Variants in TMC1 observed in about 807,000 individuals in gnomAD.
TMC1 encodes the protein transmembrane channel like 1.
Under a neutral mutation model 105.8 loss-of-function variants are expected in TMC1, and 84 were observed. That is an observed-to-expected ratio of 0.79 (90% CI 0.67 to 0.95). The LOEUF is 0.95. Among genes scored for constraint, TMC1 ranks in the 40% least tolerant of loss-of-function variants. The pLI, the probability that TMC1 is intolerant of heterozygous loss-of-function variation, is 0.00. For missense variants in TMC1, 817 were observed against 914.1 expected (o/e 0.89, Z 1.37); for synonymous variants, 315 against 311.5 (o/e 1.01, Z -0.12).
At chr9:72,655,082 G>A (rs539958387) in intron 5 of TMC1, among the ~76,000 whole-genome samples, 165 of 152,196 alleles carry the variant, frequency 1.1e-3, no homozygotes, top group African/African-American at 3.9e-3. Flanking sequence ...AGGGCCGTTC[G>A]CCCCATGCTG....
At chr9:72,525,385 G>T (rs542618298) in intron 1 of TMC1, among the ~76,000 whole-genome samples, 9 of 152,320 alleles carry the variant, frequency 5.9e-5, no homozygotes, top group Non-Finnish European at 5.9e-5. Context: ...AAGTGAACCA[G>T]ATACTACATT....
At chr9:72,586,335 T>C (rs979742266) in intron 2 of TMC1, among the ~76,000 whole-genome samples, 3 of 152,192 alleles carry the variant, frequency 2.0e-5, no homozygotes, top group Admixed American at 1.3e-4. Context: ...TTCAGTGGCT[T>C]GAACTAGCTT....
Position 72,831,641 on chromosome 9 carries a change from A to G in TMC1, c.2260+959A>G, listed in dbSNP as rs112702462. On this transcript the variant is annotated intron_variant, in intron 23 of 23. Coordinates refer to ENST00000297784, the MANE Select transcript of TMC1 (RefSeq NM_138691.3). ...TGTGATGTTCCCCTTCCTGTGTCCA[A>G]GTGTTCTCATTGTTCAATTTCCACC... 6.8e-4 allele frequency among the ~76,000 whole-genome samples: 103 copies of G among 152,020 alleles called. 1 individual carries two copies. Among genetic ancestry groups the G allele is most frequent in the African/African-American group, 2.4e-3 (99 of 41,440 alleles).
At chr9:72,831,658 A>G (rs1352296987) in intron 23 of TMC1, among the ~76,000 whole-genome samples, 5 of 151,862 alleles carry the variant, frequency 3.3e-5, no homozygotes, top group Non-Finnish European at 5.9e-5. Context: ...TCATTGTTCA[A>G]TTTCCACCTA....
At chr9:72,765,780 C>T (rs1354604367) in intron 12 of TMC1, among the ~76,000 whole-genome samples, 1 of 152,130 alleles carries the variant, frequency 6.6e-6, no homozygotes, top group East Asian at 1.9e-4. Context: ...CTTGAATGTG[C>T]TATGTTCATG....
intron 2 of TMC1, among the ~76,000 whole-genome samples, chr9:72,601,169 TACACACACACACACACACACACACAGAC>T (rs770279700): frequency 1.3e-5 from 2 of 148,280 alleles, no homozygotes; most frequent in African/African-American, 2.5e-5. Context: ...ACACTGTTTC[TACACACACACACACACACACACACAGAC>T]ACACACACAC....
chr9:72,811,160 T>C (rs1588095451), intron 18 of TMC1, among the ~76,000 whole-genome samples: 1 of 152,282 alleles, frequency 6.6e-6, no homozygotes, highest in Middle Eastern at 3.4e-3. Context: ...GACAATGAAG[T>C]ACACTTCTGG....
At chr9:72,691,363 G>A (rs1192205485) in intron 6 of TMC1, among the ~76,000 whole-genome samples, 1 of 151,998 alleles carries the variant, frequency 6.6e-6, no homozygotes, top group Non-Finnish European at 1.5e-5. Context: ...ATGTTTTCCT[G>A]TTTCTTTATT....
At chr9:72,823,023 A>T (rs1035012254) in intron 20 of TMC1, among the ~76,000 whole-genome samples, 1 of 152,196 alleles carries the variant, frequency 6.6e-6, no homozygotes, top group Non-Finnish European at 1.5e-5. Context: ...TTTTATTTTT[A>T]AAATTATTTA....
chr9:72,662,633 G>C (rs1825985603), intron 5 of TMC1, among the ~76,000 whole-genome samples: 1 of 151,970 alleles, frequency 6.6e-6, no homozygotes, highest in Admixed American at 6.5e-5. Flanking sequence ...AAAGGATTTT[G>C]TTTTGTGTTT....
intron 5 of TMC1, among the ~76,000 whole-genome samples, chr9:72,685,457 G>T (rs957484714): frequency 6.6e-6 from 1 of 150,790 alleles, no homozygotes; most frequent in Admixed American, 6.6e-5. Flanking sequence ...TCTGCCTCCC[G>T]GGTTCAGGTG....
intron 5 of TMC1, among the ~76,000 whole-genome samples, chr9:72,665,003 C>T (rs947139): frequency 0.025 from 3,842 of 152,252 alleles, 61 homozygotes; most frequent in Non-Finnish European, 0.035. Flanking sequence ...TCTACATGCT[C>T]CCTCTCCTAT....
chr9:72,601,183 C>CAG (rs71507136), intron 2 of TMC1, among the ~76,000 whole-genome samples: 1,723 of 124,058 alleles, frequency 0.014, 23 homozygotes, highest in African/African-American at 0.053. Context: ...CACACACACA[C>CAG]ACACACACAC....
At chr9:72,528,469 G>A (rs1036826668) in intron 1 of TMC1, among the ~76,000 whole-genome samples, 2 of 151,888 alleles carry the variant, frequency 1.3e-5, no homozygotes, top group African/African-American at 4.8e-5. Flanking sequence ...CAAGTAGCTG[G>A]GATTATAGGC....
At chr9:72,678,838 A>T (rs2132174851) in intron 5 of TMC1, among the ~76,000 whole-genome samples, 1 of 152,222 alleles carries the variant, frequency 6.6e-6, no homozygotes, top group Admixed American at 6.6e-5. Flanking sequence ...AATATTTTAC[A>T]GTCATGGCTA....
chr9:72,616,317 T>A (rs1164346632), intron 2 of TMC1, 51 bp from the exon 3 acceptor site: 1 of 152,142 alleles, frequency 6.6e-6, no homozygotes, highest in East Asian at 1.9e-4. Flanking sequence ...TGGATTCAGA[T>A]CCAAGTCCCC....
chr9:72,576,925 G>A (rs375756583), intron 1 of TMC1, among the ~76,000 whole-genome samples: 120 of 151,246 alleles, frequency 7.9e-4, no homozygotes, highest in African/African-American at 2.4e-3. Flanking sequence ...CACCGCGCCC[G>A]GTGCCCTGGA....
intron 5 of TMC1, among the ~76,000 whole-genome samples, chr9:72,659,190 T>A (rs1825931866): frequency 6.6e-6 from 1 of 152,204 alleles, no homozygotes; most frequent in Admixed American, 6.5e-5. Flanking sequence ...ACAGTTTTAA[T>A]ATAGACTGGA....
chr9:72,779,353 G>A (rs747381386), intron 13 of TMC1, among the ~76,000 whole-genome samples: 28 of 152,336 alleles, frequency 1.8e-4, no homozygotes, highest in Admixed American at 7.2e-4. Flanking sequence ...TCAAAAAGCC[G>A]GAGTGTGTTC....
Sources: allele counts gnomAD v4.1 joint callset (sites outside exome capture counted in the v4.1 genomes callset), GRCh38; gene constraint gnomAD v4.1.1; transcripts MANE v1.5; gene names NCBI Gene and HGNC (gene_info 2026-07-23, HGNC 2026-07-21).